Variants in CORO1B observed in about 807,000 individuals in gnomAD.
The protein encoded by CORO1B is coronin-1B.
Under a neutral mutation model 51.1 loss-of-function variants are expected in CORO1B, and 30 were observed. The ratio of observed to expected loss-of-function variants is 0.59; its 90% CI spans 0.44 to 0.80. The LOEUF (loss-of-function observed/expected upper bound fraction) is 0.80. Ranked by LOEUF, CORO1B falls within the 30% of genes least tolerant of loss-of-function variation. The pLI, the probability that CORO1B is intolerant of heterozygous loss-of-function variation, is 0.00. For missense variants in CORO1B, 648 were observed against 700.4 expected, an observed-to-expected ratio of 0.93 and a Z score of 0.84; for synonymous variants, 310 against 289.7, an observed-to-expected ratio of 1.07 and a Z score of -0.71.
intron 9 of CORO1B, among the ~76,000 whole-genome samples, chr11:67,439,462 A>G (rs2135142299): frequency 6.6e-6 from 1 of 152,216 alleles, no homozygotes; most frequent in Non-Finnish European, 1.5e-5. Flanking sequence ...CCCCCAGTGG[A>G]TGGCGCCACC....
chr11:67,438,323 G>A lies in CORO1B; in HGVS notation c.*53C>T. ...AGCCCGGTGCGACCCGCTGGCAGAAGCTGAGTGGGAAGGGGGCGGCGGAGG... is the reference window on the plus strand; with the variant it reads ...AGCCCGGTGCGACCCGCTGGCAGAAACTGAGTGGGAAGGGGGCGGCGGAGG... On this transcript the variant is annotated 3_prime_UTR_variant, in exon 11 of 11. Transcript: ENST00000341356. 1.3e-6 allele frequency: 2 copies of A among 1,555,012 alleles called. No homozygotes were observed. The highest frequency in any genetic ancestry group is 1.7e-6 in the Non-Finnish European group (2 of 1,149,016).
chr11:67,441,786 C>T lies in CORO1B; in HGVS notation c.401G>A (p.Arg134Gln), dbSNP rs772747635. The T allele has an allele frequency of 5.6e-6, 9 of 1,612,888 alleles. No homozygotes were observed. Among genetic ancestry groups the T allele is most frequent in the African/African-American group, 2.7e-5 (2 of 74,908 alleles). Residue 134 changes from arginine (R) to glutamine (Q), a missense_variant, in exon 4 of 11, where the codon CGA (arginine) becomes CAA (glutamine). Transcript: ENST00000341356. ...GGGGTGCCAGGCGATGATGCCCACTCGCTTGGTGTGCCCCTCCAGTACCAC... is the reference window on the plus strand; with the variant it reads ...GGGGTGCCAGGCGATGATGCCCACTTGCTTGGTGTGCCCCTCCAGTACCAC... The part of the protein sequence containing the change: ...PVVVLEGHTK[R>Q]VGIIAWHPTA...
chr11:67,435,852 TCG>T lies in CORO1B; in HGVS notation c.*2522_*2523del. The T allele has an allele frequency of 6.2e-7, 1 of 1,609,890 alleles. No individual in the cohort carries two copies. Among genetic ancestry groups the T allele is most frequent in the Non-Finnish European group, 8.5e-7 (1 of 1,179,296 alleles). ...AGGGCCTCAGCACTGCCCCCTGCGC[TCG>T]CTGGTCCTGGGGAGCCGAGGACCAG... On this transcript the variant is annotated 3_prime_UTR_variant, in exon 11 of 11. Transcript: ENST00000341356.
rs1463137475 is a variant in CORO1B, at chr11:67,441,350, G to A, written c.619C>T (p.Arg207Trp). ...DKSVRIIDPR[R>W]GTLVAEREKA... ...CCACGTACTGCCACCAGGGTGCCCC[G>A]ACGGGGGTCGATGATGCGCACGCTC... The change falls in exon 5 of 11, where the codon CGG becomes TGG. Residue 207 changes from arginine (R) to tryptophan (W), a missense_variant. Arg to Trp is a moderately radical substitution (Grantham distance 101). Transcript: ENST00000341356. The A allele has an allele frequency of 2.5e-6, 4 of 1,613,538 alleles. No homozygotes were observed. The highest frequency in any genetic ancestry group is 1.3e-5 in the African/African-American group (1 of 74,952).
rs1185575872 is a variant in CORO1B, at chr11:67,438,562, C to T, written c.1345-61G>A. On this transcript the variant is annotated intron_variant, in intron 10 of 10. Coordinates refer to ENST00000341356, the MANE Select transcript of CORO1B (RefSeq NM_020441.3). ...TCAGGGGCTGCTAAGCCATAGCCCT[C>T]CCAAACCCACCACTACCCCAGAGAG... 6 of 1,563,906 alleles carry T rather than the reference C, an allele frequency of 3.8e-6. No homozygotes were observed. In the South Asian group the frequency reaches 4.7e-5, roughly 12 times the overall value.
intron 4 of CORO1B, 30 bp from the exon 5 acceptor site, chr11:67,441,544 G>A (rs757077622): frequency 1.6e-5 from 25 of 1,600,282 alleles, no homozygotes; most frequent in Admixed American, 3.4e-5. Flanking sequence ...AGCTCGGGCC[G>A]GGTGGGTGGC....
Position 67,438,818 on chromosome 11 carries a change from G to C in CORO1B, c.1197C>G (p.Ser399Arg). 6.2e-7 allele frequency: 1 copy of C among 1,608,174 alleles called. No homozygotes were observed. The highest frequency in any genetic ancestry group is 1.1e-5 in the South Asian group (1 of 90,272). The change falls in exon 10 of 11, where the codon AGC becomes AGG. Residue 399 changes from serine (S) to arginine (R), a missense_variant. By Grantham distance (110) the Ser-to-Arg change is moderately radical. Coordinates refer to ENST00000341356, the MANE Select transcript of CORO1B (RefSeq NM_020441.3). ...LISLREAYVP[S>R]KQRDLKISRR... ...GGCTGATCTTCAGGTCCCGCTGCTT[G>C]CTGGGCACGTAGGCCTCCCGCAGTG...
At chr11:67,441,549 G>A in intron 4 of CORO1B, 35 bp from the exon 5 acceptor site, 1 of 1,595,848 alleles carries the variant, frequency 6.3e-7, no homozygotes, top group Non-Finnish European at 8.5e-7. Context: ...GGGCCGGGTG[G>A]GTGGCAGGAG....
Position 67,438,267 on chromosome 11 carries a change from G to A in CORO1B, c.*109C>T. On this transcript the variant is annotated 3_prime_UTR_variant, in exon 11 of 11. Coordinates refer to ENST00000341356, the MANE Select transcript of CORO1B (RefSeq NM_020441.3). Reference sequence around the variant, plus strand: ...CGGGTGGGGGTGGGAACTGACCCCTGCGCTGCCTCAGAGGCTCTGGGCAGC... The same window carrying A: ...CGGGTGGGGGTGGGAACTGACCCCTACGCTGCCTCAGAGGCTCTGGGCAGC... 6.9e-7 allele frequency: 1 copy of A among 1,438,872 alleles called. No homozygotes were observed. The highest frequency in any genetic ancestry group is 9.4e-7 in the Non-Finnish European group (1 of 1,069,322). 89.1% of individuals were successfully genotyped at this position (1,438,872 alleles called of 1,614,324 possible).
chr11:67,438,273 C>T lies in CORO1B; in HGVS notation c.*103G>A, dbSNP rs1039116508. ...GGGGTGGGAACTGACCCCTGCGCTG[C>T]CTCAGAGGCTCTGGGCAGCCAGCTA... On this transcript the variant is annotated 3_prime_UTR_variant, in exon 11 of 11. Coordinates refer to ENST00000341356, the MANE Select transcript of CORO1B (RefSeq NM_020441.3). 6.8e-7 allele frequency: 1 copy of T among 1,474,632 alleles called. No individual in the cohort carries two copies. The highest frequency in any genetic ancestry group is 9.1e-7 in the Non-Finnish European group (1 of 1,098,896). 91.3% of individuals were successfully genotyped at this position (1,474,632 alleles called of 1,614,324 possible).
rs200415950 is a variant in CORO1B at position 67,441,989 on chromosome 11, C to T, written c.301G>A (p.Gly101Ser). The change falls in exon 3 of 11, where the codon GGC (glycine) becomes AGC (serine). Residue 101 changes from glycine (G) to serine (S), a missense_variant. Transcript: ENST00000341356. ...ACCATGACCGTGCAGTCCTCCGAGC[C>T]GCTGGCTATGACTTCGTCGTTGTGA... ...CPHNDEVIAS[G>S]SEDCTVMVWQ... 2.1e-5 allele frequency: 34 copies of T among 1,613,118 alleles called. No homozygotes were observed. The highest frequency in any genetic ancestry group is 1.6e-4 in the Middle Eastern group (1 of 6,084).
Position 67,437,730 on chromosome 11 carries a change from C to T in CORO1B, c.*646G>A. The stretch of plus-strand genomic sequence containing the variant: ...GAAGGGTGGCCCAGGCTTCCGCTTC[C>T]TGCCCACATACCCCACCTGCCCCTC... On this transcript the variant is annotated 3_prime_UTR_variant, in exon 11 of 11. Transcript: ENST00000341356. 1 of 1,202,532 alleles carries T rather than the reference C, an allele frequency of 8.3e-7. No homozygotes were observed. Among genetic ancestry groups the T allele is most frequent in the Non-Finnish European group, 1.1e-6 (1 of 923,826 alleles). 74.5% of individuals were successfully genotyped at this position (1,202,532 alleles called of 1,614,324 possible).
chr11:67,438,810 C>T lies in CORO1B; in HGVS notation c.1205G>A (p.Arg402Gln), dbSNP rs761297209. The change falls in exon 10 of 11, where the codon CGG becomes CAG. Residue 402 changes from arginine (R) to glutamine (Q), a missense_variant. Physicochemically the swap from Arg to Gln is conservative, Grantham distance 43. Coordinates refer to ENST00000341356, the MANE Select transcript of CORO1B (RefSeq NM_020441.3). ...GTTGCGCCGGCTGATCTTCAGGTCCCGCTGCTTGCTGGGCACGTAGGCCTC... is the reference window on the plus strand; with the variant it reads ...GTTGCGCCGGCTGATCTTCAGGTCCTGCTGCTTGCTGGGCACGTAGGCCTC... ...LREAYVPSKQ[R>Q]DLKISRRNVL... 3.2e-5 allele frequency: 52 copies of T among 1,606,926 alleles called. No homozygotes were observed. The highest frequency in any genetic ancestry group is 5.0e-5 in the Admixed American group (3 of 59,464).
rs200426997 is a variant in CORO1B at position 67,436,119 on chromosome 11, G to A, written c.*2257C>T. ...GGGGGGCTGGCCCAGAGCAGGCGCC[G>A]CGTGCGGCCCCACAGCGCGGCACCT... On this transcript the variant is annotated 3_prime_UTR_variant, in exon 11 of 11. Transcript: ENST00000341356. 1.7e-4 allele frequency: 269 copies of A among 1,596,986 alleles called. 2 individuals are homozygous for A. Among genetic ancestry groups the A allele is most frequent in the Non-Finnish European group, 2.2e-4 (253 of 1,171,828 alleles).
At position 67,436,104 on chromosome 11, in the gene CORO1B, C is replaced by G; in HGVS notation, c.*2272G>C. The stretch of plus-strand genomic sequence containing the variant: ...TGCAGCCAGCGACCTGGGGGGCTGG[C>G]CCAGAGCAGGCGCCGCGTGCGGCCC... On this transcript the variant is annotated 3_prime_UTR_variant, in exon 11 of 11. Coordinates refer to ENST00000341356, the MANE Select transcript of CORO1B (RefSeq NM_020441.3). 2.5e-6 allele frequency: 4 copies of G among 1,607,106 alleles called. No homozygotes were observed. Among genetic ancestry groups the G allele is most frequent in the Non-Finnish European group, 2.5e-6 (3 of 1,177,016 alleles).
In CORO1B at chr11:67,438,747, G is replaced by A. The variant is rs542125021; in HGVS notation, c.1268C>T (p.Ser423Phe). ...SDSRPAMAPG[S>F]SHLGAPASTT... ...GGAGGCGGGGGCCCCTAGGTGGGAG[G>A]AGCCCGGGGCCATGGCGGGCCGGCT... The change falls in exon 10 of 11, where the codon TCC (serine) becomes TTC (phenylalanine). Residue 423 changes from serine to phenylalanine, a missense_variant. Ser to Phe is a radical substitution (Grantham distance 155). Coordinates refer to ENST00000341356, the MANE Select transcript of CORO1B (RefSeq NM_020441.3). 5.8e-6 allele frequency: 9 copies of A among 1,556,054 alleles called. No individual in the cohort carries two copies. The South Asian group carries it at 9.4e-5, about 16-fold the overall frequency.
Position 67,441,325 on chromosome 11 carries a change from C to G in CORO1B, c.636+8G>C. On this transcript the variant is annotated splice_region_variant and intron_variant, in intron 5 of 10. Coordinates refer to ENST00000341356, the MANE Select transcript of CORO1B (RefSeq NM_020441.3). ...CCACAGCCATCCTTGCCCTCCAGAG[C>G]CACGTACTGCCACCAGGGTGCCCCG... 1 of 1,613,380 alleles carries G rather than the reference C, an allele frequency of 6.2e-7. No homozygotes were observed. The highest frequency in any genetic ancestry group is 1.7e-5 in the Admixed American group (1 of 60,026).
chr11:67,440,303 C>T, intron 7 of CORO1B, 32 bp downstream of exon 7: 1 of 1,612,770 alleles, frequency 6.2e-7, no homozygotes, highest in Non-Finnish European at 8.5e-7. Context: ...CACGCCTCTT[C>T]CCTGCCCCTC....
In CORO1B at chr11:67,441,779, G is replaced by A; in HGVS notation, c.408C>T (p.Gly136=). 1 of 1,612,882 alleles carries A rather than the reference G, an allele frequency of 6.2e-7. No individual in the cohort carries two copies. The highest frequency in any genetic ancestry group is 1.3e-5 in the African/African-American group (1 of 75,026). Residue 136 remains glycine, a synonymous_variant, in exon 4 of 11, where the codon GGC becomes GGT. Transcript: ENST00000341356. ...VVLEGHTKRV[G]IIAWHPTARN... ...GGGCCGTGGGGTGCCAGGCGATGAT[G>A]CCCACTCGCTTGGTGTGCCCCTCCA...
Sources: gnomAD v4.1 joint callset for allele counts (sites outside exome capture counted in the v4.1 genomes callset) on GRCh38, gnomAD v4.1.1 for gene constraint, MANE v1.5 for transcripts, NCBI Gene and HGNC (gene_info 2026-07-23, HGNC 2026-07-21) for gene names.